DLGAP2: variants seen among roughly 807,000 people sequenced by gnomAD.
The protein encoded by DLGAP2 is disks large-associated protein 2.
In DLGAP2, 26 loss-of-function variants were observed where a neutral mutation model predicts 100.3. That is an observed-to-expected ratio of 0.26 (90% confidence interval 0.19 to 0.36). The LOEUF (loss-of-function observed/expected upper bound fraction) is 0.36, where lower values mean the gene tolerates loss of function less well. Ranked by LOEUF, DLGAP2 falls within the 10% of genes least tolerant of loss-of-function variation. DLGAP2 has a pLI of 1.00. For synonymous variants in DLGAP2, 886 were observed against 630.1 expected, an observed-to-expected ratio of 1.41 and a Z score of -6.08; for missense variants, 1,858 against 1,453.2, an observed-to-expected ratio of 1.28 and a Z score of -4.53.
At chr8:1,497,690 G>T (rs74450403) in intron 3 of DLGAP2, among the ~76,000 whole-genome samples, 1 of 152,298 alleles carries the variant, frequency 6.6e-6, no homozygotes, top group Non-Finnish European at 1.5e-5. Context: ...CTGTCCAGGC[G>T]AACAGGGTTC....
chr8:1,543,790 T>C (rs914851605), intron 4 of DLGAP2, among the ~76,000 whole-genome samples: 3 of 152,246 alleles, frequency 2.0e-5, no homozygotes, highest in African/African-American at 7.2e-5. Flanking sequence ...TCTTAACCAT[T>C]AAGTCTGCCA....
intron 6 of DLGAP2, among the ~76,000 whole-genome samples, chr8:1,591,939 G>T (rs1025817297): frequency 3.9e-5 from 6 of 152,224 alleles, no homozygotes; most frequent in African/African-American, 1.4e-4. Flanking sequence ...AGGAGGAGCG[G>T]AGGGAGGAGG....
intron 1 of DLGAP2, among the ~76,000 whole-genome samples, chr8:824,471 T>C (rs1232849063): frequency 6.6e-6 from 1 of 152,184 alleles, no homozygotes; most frequent in African/African-American, 2.4e-5. Context: ...GTTGGCTTAC[T>C]TTTCCTATAT....
intron 6 of DLGAP2, among the ~76,000 whole-genome samples, chr8:1,617,982 C>G (rs989744951): frequency 1.3e-5 from 2 of 152,126 alleles, no homozygotes; most frequent in Admixed American, 6.5e-5. Flanking sequence ...CAGTTCTAAC[C>G]CTGGGGAAAA....
intron 1 of DLGAP2, among the ~76,000 whole-genome samples, chr8:866,217 CT>C (rs1797491837): frequency 1.3e-5 from 2 of 152,306 alleles, no homozygotes; most frequent in South Asian, 4.2e-4. Flanking sequence ...GGCCAGGCTT[CT>C]TACCCCAGGC....
chr8:1,501,719 C>G (rs544091968), intron 4 of DLGAP2, among the ~76,000 whole-genome samples: 1 of 152,300 alleles, frequency 6.6e-6, no homozygotes, highest in Non-Finnish European at 1.5e-5. Flanking sequence ...TCCCTTGCTC[C>G]TCTGTGTCTA....
chr8:946,485 G>C (rs79631681), intron 2 of DLGAP2, among the ~76,000 whole-genome samples: 101 of 151,864 alleles, frequency 6.7e-4, no homozygotes, highest in Non-Finnish European at 1.2e-3. Flanking sequence ...GGATGGTCTC[G>C]ATCTCCTGAC....
intron 8 of DLGAP2, among the ~76,000 whole-genome samples, chr8:1,640,322 G>A (rs995874735): frequency 7.6e-6 from 1 of 131,032 alleles, no homozygotes; most frequent in African/African-American, 3.2e-5. Flanking sequence ...TGTCAGACCT[G>A]CTGCTGAAGG....
intron 1 of DLGAP2, among the ~76,000 whole-genome samples, chr8:904,966 G>A (rs375854488): frequency 2.6e-5 from 4 of 152,186 alleles, no homozygotes; most frequent in Non-Finnish European, 5.9e-5. Flanking sequence ...AGCCGGTGCG[G>A]CAAGCGACGT....
At chr8:1,263,817 C>A (rs570104168) in intron 3 of DLGAP2, among the ~76,000 whole-genome samples, 1 of 152,272 alleles carries the variant, frequency 6.6e-6, no homozygotes, top group South Asian at 2.1e-4. Flanking sequence ...GCCACCCTGT[C>A]TCTCTGAGAC....
intron 2 of DLGAP2, among the ~76,000 whole-genome samples, chr8:1,100,200 CAGTGTACAGCGTGT>C (rs1804529689): frequency 7.1e-6 from 1 of 140,922 alleles, no homozygotes; most frequent in Admixed American, 7.0e-5. Flanking sequence ...AGCATGTCCA[CAGTGTACAGCGTGT>C]GTAGGGAAAA....
chr8:886,116 G>A (rs892100143), intron 1 of DLGAP2, among the ~76,000 whole-genome samples: 7 of 152,130 alleles, frequency 4.6e-5, no homozygotes, highest in African/African-American at 1.7e-4. Flanking sequence ...TTTCTCCCTG[G>A]TTTAGTCTTG....
At chr8:1,063,257 G>A (rs1355110742) in intron 2 of DLGAP2, among the ~76,000 whole-genome samples, 2 of 152,242 alleles carry the variant, frequency 1.3e-5, no homozygotes, top group Non-Finnish European at 2.9e-5. Flanking sequence ...TGACCAAGTG[G>A]ACTGTCCTCT....
At chr8:934,840 C>T (rs1322485068) in intron 2 of DLGAP2, among the ~76,000 whole-genome samples, 1 of 152,162 alleles carries the variant, frequency 6.6e-6, no homozygotes, top group African/African-American at 2.4e-5. Flanking sequence ...CACAGGTGTT[C>T]TCGGCTATAA....
At chr8:879,756 T>C (rs1157622932) in intron 1 of DLGAP2, among the ~76,000 whole-genome samples, 1 of 152,128 alleles carries the variant, frequency 6.6e-6, no homozygotes, top group Non-Finnish European at 1.5e-5. Flanking sequence ...CCCCAAAGAG[T>C]TGATTGCTCC....
chr8:890,618 C>T (rs1032673520), intron 1 of DLGAP2, among the ~76,000 whole-genome samples: 1 of 152,048 alleles, frequency 6.6e-6, no homozygotes, highest in Non-Finnish European at 1.5e-5. Flanking sequence ...TTTCTTGATT[C>T]TACCCCAGGA....
At chr8:1,389,524 G>T (rs1472492965) in intron 3 of DLGAP2, among the ~76,000 whole-genome samples, 1 of 152,176 alleles carries the variant, frequency 6.6e-6, no homozygotes, top group Non-Finnish European at 1.5e-5. Context: ...AGGTGTGGAC[G>T]AGGCCGCTCG....
At chr8:1,649,565 A>T (rs118190151) in intron 8 of DLGAP2, among the ~76,000 whole-genome samples, 3 of 152,360 alleles carry the variant, frequency 2.0e-5, no homozygotes, top group Non-Finnish European at 2.9e-5. Context: ...CTATGGTTTT[A>T]GGTACTTGGA....
At chr8:1,270,611 C>T (rs561440703) in intron 3 of DLGAP2, among the ~76,000 whole-genome samples, 1 of 152,224 alleles carries the variant, frequency 6.6e-6, no homozygotes, top group Admixed American at 6.5e-5. Flanking sequence ...AACGTAACTT[C>T]TCTGACCCTG....
Sources: allele counts gnomAD v4.1 joint callset (sites outside exome capture counted in the v4.1 genomes callset), GRCh38; gene constraint gnomAD v4.1.1; transcripts MANE v1.5; gene names NCBI Gene and HGNC (gene_info 2026-07-23, HGNC 2026-07-21).